RNF34: variants seen among roughly 807,000 people sequenced by gnomAD.
The protein encoded by RNF34 is E3 ubiquitin-protein ligase RNF34.
RNF34 carries 12 observed loss-of-function variants against 37.9 expected under a neutral mutation model. The ratio of observed to expected loss-of-function variants is 0.32; its 90% CI spans 0.20 to 0.51. The LOEUF is 0.51. Among genes scored for constraint, RNF34 ranks in the 20% least tolerant of loss-of-function variants. The probability of loss-of-function intolerance (pLI) is 0.97; values close to 1 mark genes in which losing one functional copy is unlikely to be tolerated. For missense variants in RNF34, 362 were observed against 472.7 expected (o/e 0.77, Z 2.17); for synonymous variants, 155 against 177.2 (o/e 0.87, Z 1.00).
rs200513045 is a variant in RNF34 at position 121,423,390 on chromosome 12, C to T, written c.933C>T (p.Gly311=). 1.1e-4 allele frequency: 172 copies of T among 1,601,610 alleles called. No individual in the cohort carries two copies. The highest frequency in any genetic ancestry group is 5.0e-4 in the Middle Eastern group (3 of 5,998). The change falls in exon 6 of 6, where the codon GGC becomes GGT. Residue 311 remains glycine (G), a synonymous_variant. Coordinates refer to ENST00000361234, the MANE Select transcript of RNF34 (RefSeq NM_025126.4). This position sits in a 1 kb window ranked among gnomAD's most constrained non-coding sequence, Gnocchi z 4.3. ...TAGCTCTCTGTTGCCTTTCAGATGG[C>T]GAGCGGCTGCAGCTGCAGGATGAGG... ...KENEENQKSY[G]ERLQLQDEED... is the part of the protein sequence containing the mutation.
chr12:121,413,157 C>T (rs1871253644), intron 1 of RNF34, among the ~76,000 whole-genome samples: 1 of 152,044 alleles, frequency 6.6e-6, no homozygotes, highest in East Asian at 1.9e-4. Flanking sequence ...TTCCAAGTAG[C>T]TGGGATTACA....
Position 121,417,432 on chromosome 12 carries a change from AAGGC to A in RNF34, c.226-69_226-66del. 1 of 1,339,258 alleles carries A rather than the reference AAGGC, an allele frequency of 7.5e-7. No individual in the cohort carries two copies. Among genetic ancestry groups the A allele is most frequent in the Non-Finnish European group, 1.0e-6 (1 of 974,986 alleles). The allele number at this position is 1,339,258 out of a possible 1,614,324, so 83.0% of individuals were successfully genotyped here. ...AAGAACTAAAATTAAATTTTAGTAG[AAGGC>A]AGAAAGAAAACTCATGCTTTCATAA... On this transcript the variant is annotated intron_variant, in intron 2 of 5. Coordinates refer to ENST00000361234, the MANE Select transcript of RNF34 (RefSeq NM_025126.4). This position sits in a 1 kb window ranked among gnomAD's most constrained non-coding sequence, Gnocchi z 5.0.
chr12:121,415,873 T>G (rs1871522444), intron 1 of RNF34, among the ~76,000 whole-genome samples: 1 of 146,568 alleles, frequency 6.8e-6, no homozygotes, highest in Admixed American at 7.0e-5. Context: ...CATGCCTGTG[T>G]ACATGTATCT....
chr12:121,422,525 A>G (rs966692386), intron 5 of RNF34, among the ~76,000 whole-genome samples: 3 of 152,232 alleles, frequency 2.0e-5, no homozygotes, highest in African/African-American at 7.2e-5. Context: ...GTCGTGGGCC[A>G]TGAACTAAGA....
Position 121,423,721 on chromosome 12 carries a change from C to T in RNF34, c.*145C>T. 1.4e-6 allele frequency: 1 copy of T among 734,828 alleles called. No individual in the cohort carries two copies. Among genetic ancestry groups the T allele is most frequent in the Non-Finnish European group, 2.2e-6 (1 of 459,822 alleles). 45.5% of individuals were successfully genotyped at this position (734,828 alleles called of 1,614,324 possible). On this transcript the variant is annotated 3_prime_UTR_variant, in exon 6 of 6. Transcript: ENST00000361234. The surrounding 1 kb of genome is among the most constrained non-coding windows in gnomAD (Gnocchi z 4.3). ...ACTAAGTGGGGACAGAAAGATCCAT[C>T]CTGAGTTGTGGAAACATTGGTCCAT...
chr12:121,416,771 TTAAC>T (rs1289846828), intron 2 of RNF34, among the ~76,000 whole-genome samples: 1 of 152,240 alleles, frequency 6.6e-6, no homozygotes, highest in Admixed American at 6.5e-5. Flanking sequence ...ATGCAATAAA[TTAAC>T]TACTCTTTAG....
chr12:121,410,790 T>G (rs1555281289), intron 1 of RNF34, among the ~76,000 whole-genome samples: 1 of 152,238 alleles, frequency 6.6e-6, no homozygotes, highest in African/African-American at 2.4e-5. Flanking sequence ...CTAATGAGGC[T>G]GCAACCTAAA....
chr12:121,412,228 A>ATTT (rs1871136551), intron 1 of RNF34, among the ~76,000 whole-genome samples: 2 of 124,950 alleles, frequency 1.6e-5, no homozygotes, highest in African/African-American at 6.7e-5. Context: ...TGCCCAACTA[A>ATTT]TCTTTTTTTT....
intron 1 of RNF34, chr12:121,415,283 C>T (rs1555281981): frequency 2.6e-6 from 1 of 380,072 alleles, no homozygotes; most frequent in East Asian, 7.4e-5. Flanking sequence ...GTATATTATA[C>T]CCAATTACAA....
intron 4 of RNF34, 30 bp from the exon 5 acceptor site, chr12:121,420,547 C>T: frequency 6.2e-7 from 1 of 1,608,306 alleles, no homozygotes; most frequent in Non-Finnish European, 8.5e-7. Flanking sequence ...ACTTATGGGA[C>T]CAGGGCTAAT....
chr12:121,405,916 C>T (rs550468683), intron 1 of RNF34, among the ~76,000 whole-genome samples: 8 of 151,766 alleles, frequency 5.3e-5, no homozygotes, highest in Admixed American at 3.9e-4. Flanking sequence ...GCCTCAGCCT[C>T]CTGAGTAGCT....
At chr12:121,400,313 C>G in intron 1 of RNF34, 95 bp downstream of exon 1, 1 of 1,433,176 alleles carries the variant, frequency 7.0e-7, no homozygotes. Flanking sequence ...TAGCGGTTAC[C>G]TAGTCGTCAT....
chr12:121,420,158 A>G, intron 3 of RNF34, 84 bp from the exon 4 acceptor site: 1 of 1,239,300 alleles, frequency 8.1e-7, no homozygotes, highest in Non-Finnish European at 1.2e-6. Flanking sequence ...TCTGGTCATC[A>G]TGGGGAGCAT....
intron 1 of RNF34, among the ~76,000 whole-genome samples, chr12:121,401,351 T>C (rs1593641809): frequency 3.3e-5 from 1 of 29,944 alleles, no homozygotes; most frequent in Admixed American, 3.8e-4. Context: ...AGGCTATAGG[T>C]ATCAAAAAAA....
Position 121,423,176 on chromosome 12 carries a change from C to CA in RNF34, c.929-206dup, listed in dbSNP as rs1555283700. ...GGTACGTCAAGCATTTTATTCTTTA[C>CA]AAAACCCTGAGGTATAGCTTTTATC... On this transcript the variant is annotated intron_variant, in intron 5 of 5. Transcript: ENST00000361234. The surrounding 1 kb of genome is among the most constrained non-coding windows in gnomAD (Gnocchi z 4.3). Among the ~76,000 whole-genome samples the CA allele has an allele frequency of 6.6e-6, 1 of 152,208 alleles. No homozygotes were observed. Among genetic ancestry groups the CA allele is most frequent in the African/African-American group, 2.4e-5 (1 of 41,450 alleles).
chr12:121,423,308 C>T lies in RNF34; in HGVS notation c.929-78C>T, dbSNP rs1872323579. ...GCAGGGGTCATTCAGCAGGTGGCTG[C>T]TCAGCTTCGGACTGGGAGGGTGGCT... is the stretch of plus-strand genomic sequence containing the variant. On this transcript the variant is annotated intron_variant, in intron 5 of 5. Coordinates refer to ENST00000361234, the MANE Select transcript of RNF34 (RefSeq NM_025126.4). The surrounding 1 kb of genome is among the most constrained non-coding windows in gnomAD (Gnocchi z 4.3). 2 of 1,207,182 alleles carry T rather than the reference C, an allele frequency of 1.7e-6. No individual in the cohort carries two copies. Among genetic ancestry groups the T allele is most frequent in the Non-Finnish European group, 2.3e-6 (2 of 861,858 alleles). The allele number at this position is 1,207,182 out of a possible 1,614,324, so 74.8% of individuals were successfully genotyped here. A position where few individuals can be genotyped will look rare whatever the true frequency, so the allele number is the denominator to read the frequency against.
intron 1 of RNF34, among the ~76,000 whole-genome samples, 184 bp downstream of exon 1, chr12:121,400,402 C>A (rs1869860857): frequency 6.6e-6 from 1 of 152,236 alleles, no homozygotes; most frequent in Non-Finnish European, 1.5e-5. Context: ...GCCGGACCCT[C>A]TCGAGCTCCT....
chr12:121,404,387 CTTTTTTT>C (rs782225104), intron 1 of RNF34, among the ~76,000 whole-genome samples: 4 of 65,848 alleles, frequency 6.1e-5, no homozygotes, highest in African/African-American at 2.2e-4. Flanking sequence ...GTCATTTAAT[CTTTTTTT>C]TTTTTTTTTT....
In RNF34 at chr12:121,417,568, G is replaced by A. The variant is rs545076929; in HGVS notation, c.290G>A (p.Arg97His). The change falls in exon 3 of 6, where the codon CGT (arginine) becomes CAT (histidine). Residue 97 changes from arginine to histidine, a missense_variant. Transcript: ENST00000361234. The surrounding 1 kb of genome is among the most constrained non-coding windows in gnomAD (Gnocchi z 5.0). The stretch of plus-strand genomic sequence containing the variant: ...TGTTCAGTCTTACAAGAAAATCTCC[G>A]TAGATGTTCTACTTGTCACTTATTA... ...SVCSVLQENL[R>H]RCSTCHLLQE... The A allele has an allele frequency of 8.7e-6, 14 of 1,614,048 alleles. No individual in the cohort carries two copies. The highest frequency in any genetic ancestry group is 1.1e-5 in the South Asian group (1 of 91,090).
Sources: allele counts gnomAD v4.1 joint callset (sites outside exome capture counted in the v4.1 genomes callset), GRCh38; gene constraint gnomAD v4.1.1; non-coding constraint Gnocchi (gnomAD v3.1); transcripts MANE v1.5; gene names NCBI Gene and HGNC (gene_info 2026-07-23, HGNC 2026-07-21).